SH3PXD2A: variants seen among roughly 807,000 people sequenced by gnomAD.
The protein encoded by SH3PXD2A is SH3 and PX domains 2A, also known as SH3 and PX domain-containing protein 2A.
SH3PXD2A carries 32 observed loss-of-function variants against 115.2 expected under a neutral mutation model. The ratio of observed to expected loss-of-function variants is 0.28; its 90% CI spans 0.21 to 0.37. The LOEUF is 0.37. SH3PXD2A is among the 10% of genes least tolerant of loss of function. SH3PXD2A has a pLI of 1.00. For missense variants in SH3PXD2A, 1,328 were observed against 1,498.7 expected (o/e 0.89, Z 1.88); for synonymous variants, 610 against 629.1 (o/e 0.97, Z 0.45).
At chr10:103,814,012 A>ATC (rs1454241496) in intron 1 of SH3PXD2A, among the ~76,000 whole-genome samples, 4 of 142,828 alleles carry the variant, frequency 2.8e-5, no homozygotes, top group Non-Finnish European at 4.5e-5. Flanking sequence ...AAAAAAAAAA[A>ATC]AAACAACAAA....
At chr10:103,705,234 G>A (rs1026964126) in intron 5 of SH3PXD2A, among the ~76,000 whole-genome samples, 3 of 152,124 alleles carry the variant, frequency 2.0e-5, no homozygotes, top group African/African-American at 4.8e-5. Flanking sequence ...TAAAGCCCCC[G>A]AGGTCCCGGA....
Position 103,603,116 on chromosome 10 carries a change from C to G in SH3PXD2A, c.2102G>C (p.Cys701Ser), listed in dbSNP as rs779374922. The change falls in exon 15 of 15, where the codon TGC (cysteine) becomes TCC (serine). Residue 701 changes from cysteine (C) to serine (S), a missense_variant. Cys to Ser is a moderately radical substitution (Grantham distance 112). Around this residue, in one of 5 missense-constraint regions of SH3PXD2A, gnomAD observed 574 missense variants for 565.7 expected, o/e 1.01. Coordinates refer to ENST00000369774, the MANE Select transcript of SH3PXD2A (RefSeq NM_001394015.1). ...SSSITINTTC[C>S]SSSSSSSSSL... ...AGAGGAGGAGGAGGAAGAGGAGGAG[C>G]AGCAAGTGGTGTTGATGGTGATGGA... is the stretch of plus-strand genomic sequence containing the variant. 2 of 1,613,110 alleles carry G rather than the reference C, an allele frequency of 1.2e-6. No individual in the cohort carries two copies. Among genetic ancestry groups the G allele is most frequent in the South Asian group, 2.2e-5 (2 of 91,068 alleles).
chr10:103,653,929 C>T (rs971826951), intron 8 of SH3PXD2A, among the ~76,000 whole-genome samples: 3 of 151,910 alleles, frequency 2.0e-5, no homozygotes, highest in Admixed American at 1.3e-4. Flanking sequence ...CCTCCTGCTG[C>T]CCAGCTCCCG....
intron 13 of SH3PXD2A, among the ~76,000 whole-genome samples, chr10:103,606,956 A>G (rs1173762182): frequency 1.6e-5 from 2 of 124,400 alleles, no homozygotes; most frequent in South Asian, 2.8e-4. Flanking sequence ...CTGGCCGCCC[A>G]TCGTCTGGGA....
At chr10:103,677,251 T>A (rs2037548000) in intron 6 of SH3PXD2A, among the ~76,000 whole-genome samples, 1 of 152,246 alleles carries the variant, frequency 6.6e-6, no homozygotes. Flanking sequence ...TGAGACCATC[T>A]GACTCTCCAC....
At chr10:103,714,247 A>G (rs1299642888) in intron 5 of SH3PXD2A, among the ~76,000 whole-genome samples, 1 of 152,198 alleles carries the variant, frequency 6.6e-6, no homozygotes, top group East Asian at 1.9e-4. Flanking sequence ...CCTTGGGGGT[A>G]AGAGAGTGGG....
intron 1 of SH3PXD2A, 78 bp downstream of exon 1, chr10:103,855,116 TG>T: frequency 9.8e-7 from 1 of 1,025,110 alleles, no homozygotes; most frequent in East Asian, 3.0e-5. Flanking sequence ...ACCTCACAGC[TG>T]GGAGGGGCAA....
intron 2 of SH3PXD2A, among the ~76,000 whole-genome samples, chr10:103,768,367 C>T (rs911071224): frequency 2.6e-4 from 39 of 152,098 alleles, no homozygotes; most frequent in African/African-American, 4.6e-4. Context: ...TGCAGGGGGG[C>T]GAGGAAGCAA....
intron 5 of SH3PXD2A, among the ~76,000 whole-genome samples, chr10:103,712,124 T>C (rs1268605065): frequency 6.6e-6 from 1 of 151,952 alleles, no homozygotes; most frequent in Non-Finnish European, 1.5e-5. Flanking sequence ...GGAACTGCTC[T>C]AAAATTGGAT....
At chr10:103,747,416 C>A (rs981855360) in intron 3 of SH3PXD2A, among the ~76,000 whole-genome samples, 1 of 152,162 alleles carries the variant, frequency 6.6e-6, no homozygotes, top group Non-Finnish European at 1.5e-5. Context: ...TCAGCCTGTG[C>A]AGCCTCGGCT....
chr10:103,747,524 G>C (rs2038520144), intron 3 of SH3PXD2A, among the ~76,000 whole-genome samples: 1 of 152,194 alleles, frequency 6.6e-6, no homozygotes, highest in Non-Finnish European at 1.5e-5. Flanking sequence ...AGTGTGGGGG[G>C]CTTGGCGAGG....
intron 3 of SH3PXD2A, chr10:103,754,084 C>G (rs1234898937): frequency 6.6e-6 from 1 of 152,244 alleles, no homozygotes; most frequent in Non-Finnish European, 1.5e-5. Context: ...TTACCAGTCA[C>G]TCACTCATCT....
At chr10:103,696,098 G>C (rs978879508) in intron 5 of SH3PXD2A, among the ~76,000 whole-genome samples, 1 of 152,204 alleles carries the variant, frequency 6.6e-6, no homozygotes, top group Non-Finnish European at 1.5e-5. Context: ...CAGAGGGCCT[G>C]ATCAGCACAT....
chr10:103,743,744 C>A (rs1253570762), intron 3 of SH3PXD2A, among the ~76,000 whole-genome samples: 1 of 133,022 alleles, frequency 7.5e-6, no homozygotes, highest in Non-Finnish European at 1.5e-5. Flanking sequence ...GAATACCCAA[C>A]TCTAAAAACA....
intron 2 of SH3PXD2A, among the ~76,000 whole-genome samples, chr10:103,780,743 C>A (rs2038924539): frequency 6.6e-6 from 1 of 152,240 alleles, no homozygotes; most frequent in Non-Finnish European, 1.5e-5. Context: ...TTAGAAATTT[C>A]CTGGCATGAG....
At chr10:103,760,433 G>C (rs1211460393) in intron 3 of SH3PXD2A, among the ~76,000 whole-genome samples, 2 of 152,046 alleles carry the variant, frequency 1.3e-5, no homozygotes, top group Non-Finnish European at 2.9e-5. Flanking sequence ...AGCCAGGCAT[G>C]GTGGCACGCA....
chr10:103,680,789 A>G (rs2037598182), intron 6 of SH3PXD2A, among the ~76,000 whole-genome samples: 1 of 152,204 alleles, frequency 6.6e-6, no homozygotes, highest in African/African-American at 2.4e-5. Context: ...GTTTTATGGA[A>G]ACTCAGGAAA....
chr10:103,650,888 T>A, intron 8 of SH3PXD2A, among the ~76,000 whole-genome samples: 1 of 152,204 alleles, frequency 6.6e-6, no homozygotes, highest in East Asian at 1.9e-4. Flanking sequence ...CCTTCAGCAA[T>A]GGGAAGACAG....
chr10:103,626,876 C>G (rs909878394), intron 9 of SH3PXD2A, among the ~76,000 whole-genome samples: 2 of 152,180 alleles, frequency 1.3e-5, no homozygotes, highest in African/African-American at 2.4e-5. Context: ...TGAGCCATCC[C>G]TCAGTTCCTG....
Sources: allele counts gnomAD v4.1 joint callset (sites outside exome capture counted in the v4.1 genomes callset), GRCh38; gene constraint gnomAD v4.1.1; regional missense constraint gnomAD v4.1.1; transcripts MANE v1.5; gene names NCBI Gene and HGNC (gene_info 2026-07-23, HGNC 2026-07-21).